The following ZNF267 variants were observed in gnomAD, a reference collection of about 807,000 sequenced individuals.
The protein encoded by ZNF267 is zinc finger (C2H2).
A neutral mutation model predicts 71.6 loss-of-function variants in ZNF267; 61 were observed. That is an observed-to-expected ratio of 0.85 (90% CI 0.69 to 1.05). The LOEUF (loss-of-function observed/expected upper bound fraction) is 1.05, where lower values mean the gene tolerates loss of function less well. Ranked by LOEUF, ZNF267 falls within the 50% of genes least tolerant of loss-of-function variation. ZNF267 has a pLI of 0.00. For synonymous variants in ZNF267, 288 were observed against 293.2 expected (o/e 0.98, Z 0.18); for missense variants, 852 against 870.0 (o/e 0.98, Z 0.26).
At chr16:31,898,180 AT>A (rs1261491580) in intron 3 of ZNF267, among the ~76,000 whole-genome samples, 1 of 152,142 alleles carries the variant, frequency 6.6e-6, no homozygotes, top group Non-Finnish European at 1.5e-5. Context: ...AATGCTTGTT[AT>A]AGCTTTCTGG....
chr16:31,915,994 G>A lies in ZNF267; in HGVS notation c.1745G>A (p.Ser582Asn). ...GEKPYKCKAC[S>N]KSFSDSSGLT... The stretch of plus-strand genomic sequence containing the variant: ...AAACCATACAAATGTAAAGCATGTA[G>A]CAAATCTTTTAGTGACTCCTCAGGT... The change falls in exon 4 of 4, where the codon AGC (serine) becomes AAC (asparagine). Residue 582 changes from serine (S) to asparagine (N), a missense_variant. Coordinates refer to ENST00000300870, the MANE Select transcript of ZNF267 (RefSeq NM_003414.6). 6.2e-7 allele frequency: 1 copy of A among 1,612,540 alleles called. No homozygotes were observed. The highest frequency in any genetic ancestry group is 8.5e-7 in the Non-Finnish European group (1 of 1,178,976).
intron 1 of ZNF267, among the ~76,000 whole-genome samples, chr16:31,877,203 T>C (rs2083858455): frequency 6.6e-6 from 1 of 151,978 alleles, no homozygotes; most frequent in Non-Finnish European, 1.5e-5. Context: ...AATCTACCAC[T>C]GTGTTCCCCC....
rs1461261624 is a variant in ZNF267, at chr16:31,914,934, T to A, written c.685T>A (p.Ser229Thr). The change falls in exon 4 of 4, where the codon TCA (serine) becomes ACA (threonine). Residue 229 changes from serine to threonine, a missense_variant. Physicochemically the swap from Ser to Thr is moderately conservative, Grantham distance 58. Coordinates refer to ENST00000300870, the MANE Select transcript of ZNF267 (RefSeq NM_003414.6). ...NNSEKTLNQS[S>T]SPKNHQENYF... ...TTCTGAAAAAACCTTGAACCAAAGCTCAAGCCCTAAAAATCATCAGGAAAA... is the reference window on the plus strand; with the variant it reads ...TTCTGAAAAAACCTTGAACCAAAGCACAAGCCCTAAAAATCATCAGGAAAA... 1 of 1,610,198 alleles carries A rather than the reference T, an allele frequency of 6.2e-7. No individual in the cohort carries two copies. The highest frequency in any genetic ancestry group is 1.7e-5 in the Admixed American group (1 of 59,296).
intron 1 of ZNF267, chr16:31,875,180 C>G (rs1329642344): frequency 1.6e-6 from 2 of 1,289,040 alleles, no homozygotes; most frequent in African/African-American, 1.5e-5. Flanking sequence ...TCTATCCAGT[C>G]TTTTCCTGTT....
intron 1 of ZNF267, among the ~76,000 whole-genome samples, chr16:31,883,744 T>C (rs1241109966): frequency 2.0e-5 from 3 of 152,402 alleles, no homozygotes; most frequent in East Asian, 1.9e-4. Flanking sequence ...CCATTCTAGC[T>C]GTTATAACTT....
intron 3 of ZNF267, chr16:31,912,932 T>A (rs995267668): frequency 1.3e-5 from 2 of 152,196 alleles, no homozygotes; most frequent in African/African-American, 4.8e-5. Context: ...TTGAATTTGT[T>A]TCCTCAACAC....
At chr16:31,878,840 C>A (rs115884920) in intron 1 of ZNF267, among the ~76,000 whole-genome samples, 2,760 of 152,290 alleles carry the variant, frequency 0.018, 95 homozygotes, top group African/African-American at 0.064. Context: ...ACTCAGATGT[C>A]TGTGAGCTCA....
At chr16:31,875,276 TCA>T (rs1233313168) in intron 1 of ZNF267, 2 of 1,289,162 alleles carry the variant, frequency 1.6e-6, no homozygotes, top group East Asian at 1.1e-4. Flanking sequence ...CAGCCCCAGG[TCA>T]CCTCCTGTTA....
chr16:31,880,357 T>TCACCA (rs2083881450), intron 1 of ZNF267, among the ~76,000 whole-genome samples: 1 of 152,180 alleles, frequency 6.6e-6, no homozygotes, highest in Non-Finnish European at 1.5e-5. Flanking sequence ...GCCACCACTG[T>TCACCA]CCAGAGCCAT....
intron 3 of ZNF267, among the ~76,000 whole-genome samples, chr16:31,903,151 T>C (rs2084056725): frequency 6.6e-6 from 1 of 152,216 alleles, no homozygotes; most frequent in Admixed American, 6.6e-5. Flanking sequence ...TTGATCATGG[T>C]GGATAAGGTT....
At chr16:31,897,985 T>C (rs1230645006) in intron 3 of ZNF267, among the ~76,000 whole-genome samples, 1 of 152,178 alleles carries the variant, frequency 6.6e-6, no homozygotes, top group African/African-American at 2.4e-5. Context: ...TCTAATTGTC[T>C]TTAGTGTTCA....
intron 1 of ZNF267, 133 bp downstream of exon 1, chr16:31,874,102 A>G (rs2083834607): frequency 4.0e-6 from 4 of 1,000,220 alleles, no homozygotes; most frequent in Non-Finnish European, 6.0e-6. Context: ...CAACTGGTGC[A>G]GCTCGGCCCT....
chr16:31,888,000 T>C (rs1188167163), intron 3 of ZNF267, among the ~76,000 whole-genome samples: 1 of 152,102 alleles, frequency 6.6e-6, no homozygotes, highest in East Asian at 1.9e-4. Context: ...TTCCAATCCA[T>C]GAAGAAGGGA....
rs559525743 is a variant in ZNF267, at chr16:31,873,913, G to T, written c.-54G>T. The T allele has an allele frequency of 8.7e-6, 14 of 1,613,170 alleles. No individual in the cohort carries two copies. In the South Asian group the frequency reaches 1.4e-4, roughly 16 times the overall value. ...CAGAACCTCTGTTGCTCTGCGACTT[G>T]CAGGCACTGGGAGATTCGTAGCTAA... On this transcript the variant is annotated 5_prime_UTR_variant, in exon 1 of 4. Transcript: ENST00000300870.
At chr16:31,888,611 G>C (rs2083939619) in intron 3 of ZNF267, among the ~76,000 whole-genome samples, 1 of 151,626 alleles carries the variant, frequency 6.6e-6, no homozygotes, top group Non-Finnish European at 1.5e-5. Context: ...TTGTTATTGT[G>C]GTATATCATT....
rs2084169069 is a variant in ZNF267, at chr16:31,915,554, TTA to T, written c.1308_1309del (p.Tyr436Ter). ...AGCGAATTCATACTGGAGAGAAACC[TTA>T]TAAATGTAAAGAATGTGGAAAAGCT... ...HKRIHTGEKP[Y>X]KCKECGKAFN... On this transcript the variant is annotated frameshift_variant, in exon 4 of 4. Transcript: ENST00000300870. LOFTEE classifies it high-confidence loss of function. 4 of 1,611,744 alleles carry T rather than the reference TTA, an allele frequency of 2.5e-6. No individual in the cohort carries two copies. The South Asian group carries it at 4.4e-5, about 18-fold the overall frequency.
intron 1 of ZNF267, among the ~76,000 whole-genome samples, chr16:31,877,325 G>C (rs2083859155): frequency 6.6e-6 from 1 of 152,176 alleles, no homozygotes; most frequent in African/African-American, 2.4e-5. Flanking sequence ...TAATTCTAAA[G>C]GAGTATTGCA....
chr16:31,904,785 A>G (rs2084074027), intron 3 of ZNF267, among the ~76,000 whole-genome samples: 1 of 152,200 alleles, frequency 6.6e-6, no homozygotes, highest in Non-Finnish European at 1.5e-5. Flanking sequence ...GCCCGTTTAC[A>G]TTTAAGGTTA....
intron 1 of ZNF267, chr16:31,875,073 C>A (rs1461334704): frequency 5.6e-6 from 7 of 1,257,244 alleles, no homozygotes; most frequent in Non-Finnish European, 7.3e-6. Context: ...GCCTCTTTTT[C>A]ATTCATCTTC....
Sources: allele counts gnomAD v4.1 joint callset (sites outside exome capture counted in the v4.1 genomes callset), GRCh38; gene constraint gnomAD v4.1.1; transcripts MANE v1.5; gene names NCBI Gene and HGNC (gene_info 2026-07-23, HGNC 2026-07-21).